The following GFRA1 variants were observed in gnomAD, a reference collection of about 807,000 sequenced individuals.
GFRA1 encodes GDNF family receptor alpha-1.
Under a neutral mutation model 51.6 loss-of-function variants are expected in GFRA1, and 16 were observed. That is an observed-to-expected ratio of 0.31 (90% CI 0.21 to 0.47). The LOEUF (loss-of-function observed/expected upper bound fraction) is 0.47. Among genes scored for constraint, GFRA1 ranks in the 20% least tolerant of loss-of-function variants. The pLI, the probability that GFRA1 is intolerant of heterozygous loss-of-function variation, is 1.00. For missense variants in GFRA1, 530 were observed against 594.3 expected, an observed-to-expected ratio of 0.89 and a Z score of 1.13; for synonymous variants, 270 against 241.3, an observed-to-expected ratio of 1.12 and a Z score of -1.10.
chr10:116,239,283 T>C (rs927928282), intron 4 of GFRA1, among the ~76,000 whole-genome samples: 2 of 152,246 alleles, frequency 1.3e-5, no homozygotes, highest in African/African-American at 4.8e-5. Flanking sequence ...CCTTGACATT[T>C]TTGTTTTATA....
At chr10:116,171,054 C>T (rs1203169116) in intron 5 of GFRA1, among the ~76,000 whole-genome samples, 1 of 152,200 alleles carries the variant, frequency 6.6e-6, no homozygotes, top group Non-Finnish European at 1.5e-5. Flanking sequence ...CTCTCCCTGA[C>T]AGTCAGGAAC....
At chr10:116,264,404 T>G (rs1486818578) in intron 4 of GFRA1, among the ~76,000 whole-genome samples, 1 of 4,580 alleles carries the variant, frequency 2.2e-4, no homozygotes. Context: ...GAATGCCGGC[T>G]CAGGATCAAG....
intron 5 of GFRA1, among the ~76,000 whole-genome samples, chr10:116,159,033 T>A (rs1256513825): frequency 6.6e-6 from 1 of 152,218 alleles, no homozygotes; most frequent in Non-Finnish European, 1.5e-5. Flanking sequence ...CTCTAAGTCA[T>A]CAGGCGTGAT....
At chr10:116,203,760 A>G (rs1042889892) in intron 5 of GFRA1, among the ~76,000 whole-genome samples, 2 of 152,342 alleles carry the variant, frequency 1.3e-5, no homozygotes, top group East Asian at 3.9e-4. Context: ...AAAAAGGTAC[A>G]GAGGGTTTAA....
intron 5 of GFRA1, among the ~76,000 whole-genome samples, chr10:116,186,550 T>C (rs1331362014): frequency 8.2e-6 from 1 of 122,104 alleles, no homozygotes; most frequent in Non-Finnish European, 1.6e-5. Context: ...TTTATCTGCA[T>C]AAGGCAGAGG....
rs1468490550 is a variant in GFRA1, at chr10:116,258,393, TA to T, written c.418+11109del. 2.6e-4 allele frequency among the ~76,000 whole-genome samples: 26 copies of T among 98,406 alleles called. No homozygotes were observed. The Admixed American group carries it at 3.0e-3, about 11-fold the overall frequency. 64.6% of individuals were successfully genotyped at this position (98,406 alleles called of 152,430 possible). ...AAATAATATCTAATATATTAATTAA[TA>T]AAATAAAATATATTATATTAATAAA... On this transcript the variant is annotated intron_variant, in intron 4 of 10. Coordinates refer to ENST00000355422, the MANE Select transcript of GFRA1 (RefSeq NM_005264.8).
intron 8 of GFRA1, 74 bp from the exon 9 acceptor site, chr10:116,089,996 A>G: frequency 7.6e-7 from 1 of 1,318,774 alleles, no homozygotes; most frequent in East Asian, 2.5e-5. Context: ...ACACAGCCAG[A>G]GAGGCACACT....
chr10:116,208,881 TACAG>T (rs569507549), intron 5 of GFRA1, among the ~76,000 whole-genome samples: 236 of 152,354 alleles, frequency 1.5e-3, no homozygotes, highest in African/African-American at 5.5e-3. Context: ...CACATGCACA[TACAG>T]AATTTTCAAT....
intron 9 of GFRA1, among the ~76,000 whole-genome samples, chr10:116,088,515 A>T (rs888868325): frequency 1.3e-5 from 2 of 152,196 alleles, no homozygotes; most frequent in African/African-American, 2.4e-5. Context: ...AGACTTGAGC[A>T]AGAGTGATCC....
chr10:116,069,613 G>C (rs1024249785), intron 9 of GFRA1, among the ~76,000 whole-genome samples: 4 of 152,304 alleles, frequency 2.6e-5, no homozygotes, highest in African/African-American at 9.6e-5. Context: ...ATTGTGGGGG[G>C]ACAGACCTTG....
chr10:116,138,372 C>CT (rs1321482199), intron 5 of GFRA1, among the ~76,000 whole-genome samples: 5 of 136,878 alleles, frequency 3.7e-5, no homozygotes, highest in African/African-American at 1.2e-4. Context: ...TAGGTTAAAC[C>CT]TTTTTTTTAT....
At position 116,149,383 on chromosome 10, in the gene GFRA1, G is replaced by A. The variant is rs1476932855; in HGVS notation, c.434-23826C>T. Among the ~76,000 whole-genome samples the A allele has an allele frequency of 2.0e-5, 3 of 152,190 alleles. No homozygotes were observed. In the East Asian group the frequency reaches 5.8e-4, roughly 29 times the overall value. On this transcript the variant is annotated intron_variant, in intron 5 of 10. Transcript: ENST00000355422. The stretch of plus-strand genomic sequence containing the variant: ...AGCCCCCCACAGCTTTAACACAAAA[G>A]CTCACATTAATAAGATACAATTTGG...
intron 4 of GFRA1, among the ~76,000 whole-genome samples, chr10:116,252,619 C>A (rs976528174): frequency 1.3e-5 from 2 of 152,198 alleles, no homozygotes; most frequent in African/African-American, 4.8e-5. Flanking sequence ...CAGAAACGCG[C>A]ACCCTCACCA....
chr10:116,199,080 T>G (rs1964129080), intron 5 of GFRA1, among the ~76,000 whole-genome samples: 1 of 152,124 alleles, frequency 6.6e-6, no homozygotes, highest in African/African-American at 2.4e-5. Context: ...CCGGGACAGA[T>G]CCTCTTCTAG....
At chr10:116,086,675 G>T (rs1767337500) in intron 9 of GFRA1, among the ~76,000 whole-genome samples, 1 of 152,192 alleles carries the variant, frequency 6.6e-6, no homozygotes, top group African/African-American at 2.4e-5. Context: ...TTAGCTCCAG[G>T]ATATGTGGAG....
intron 4 of GFRA1, among the ~76,000 whole-genome samples, chr10:116,244,507 TA>T (rs1482837709): frequency 6.8e-6 from 1 of 147,914 alleles, no homozygotes; most frequent in Admixed American, 6.8e-5. Flanking sequence ...TATAATCCTA[TA>T]TATAAAAATA....
chr10:116,151,537 T>C (rs912532220), intron 5 of GFRA1, among the ~76,000 whole-genome samples: 2 of 152,112 alleles, frequency 1.3e-5, no homozygotes, highest in African/African-American at 4.8e-5. Flanking sequence ...AAATGGAATT[T>C]AAGGAGAGAC....
chr10:116,063,667 A>G lies in GFRA1; in HGVS notation c.*731T>C, dbSNP rs1283024041. The stretch of plus-strand genomic sequence containing the variant: ...CACTCAGGTAAGGCTTAGGATTAGG[A>G]GAGTGTCGTTCAGGGATTGAGGTAT... On this transcript the variant is annotated 3_prime_UTR_variant, in exon 11 of 11. Coordinates refer to ENST00000355422, the MANE Select transcript of GFRA1 (RefSeq NM_005264.8). 2 of 152,062 alleles carry G rather than the reference A, an allele frequency of 1.3e-5. No individual in the cohort carries two copies. Among genetic ancestry groups the G allele is most frequent in the Non-Finnish European group, 2.9e-5 (2 of 68,128 alleles). The allele number at this position is 152,062 out of a possible 1,614,324, so 9.4% of individuals were successfully genotyped here. A position where few individuals can be genotyped will look rare whatever the true frequency, so the allele number is the denominator to read the frequency against.
At position 116,064,322 on chromosome 10, in the gene GFRA1, G is replaced by T; in HGVS notation, c.*76C>A. ...ACTGAGCTCCTAAACTGGAATTTCA[G>T]CTATACAAGAGAACAGGAAACAGAT... On this transcript the variant is annotated 3_prime_UTR_variant, in exon 11 of 11. Coordinates refer to ENST00000355422, the MANE Select transcript of GFRA1 (RefSeq NM_005264.8). 7.7e-7 allele frequency: 1 copy of T among 1,299,562 alleles called. No individual in the cohort carries two copies. Among genetic ancestry groups the T allele is most frequent in the Non-Finnish European group, 1.1e-6 (1 of 908,138 alleles). 80.5% of individuals were successfully genotyped at this position (1,299,562 alleles called of 1,614,324 possible). A position where few individuals can be genotyped will look rare whatever the true frequency, so the allele number is the denominator to read the frequency against.
Sources: allele counts gnomAD v4.1 joint callset (sites outside exome capture counted in the v4.1 genomes callset), GRCh38; gene constraint gnomAD v4.1.1; transcripts MANE v1.5; gene names NCBI Gene and HGNC (gene_info 2026-07-23, HGNC 2026-07-21).